RBM39: variants seen among roughly 807,000 people sequenced by gnomAD.
RBM39 encodes the protein RNA-binding protein 39.
A neutral mutation model predicts 79.6 loss-of-function variants in RBM39; 12 were observed. The observed-to-expected ratio is 0.15, with a 90% confidence interval of 0.10 to 0.24. The LOEUF (loss-of-function observed/expected upper bound fraction) is 0.24. Ranked by LOEUF, RBM39 falls within the 10% of genes least tolerant of loss-of-function variation. The probability of loss-of-function intolerance (pLI) is 1.00; values close to 1 mark genes in which losing one functional copy is unlikely to be tolerated. For missense variants in RBM39, 243 were observed against 653.4 expected (o/e 0.37, Z 6.85); for synonymous variants, 185 against 208.4 (o/e 0.89, Z 0.97).
intron 7 of RBM39, 92 bp from the exon 8 acceptor site, chr20:35,724,814 T>A (rs1298717741): frequency 2.2e-5 from 31 of 1,424,422 alleles, no homozygotes; most frequent in Non-Finnish European, 3.0e-5. Flanking sequence ...AAGGTATTTT[T>A]AAAAATTTAA....
At chr20:35,722,457 G>GTTTTTTTTTTTT (rs1423718184) in intron 8 of RBM39, among the ~76,000 whole-genome samples, 3 of 131,240 alleles carry the variant, frequency 2.3e-5, no homozygotes, top group Admixed American at 7.8e-5. Context: ...TTATTTAGAG[G>GTTTTTTTTTTTT]CTTTTTTTTT....
chr20:35,737,848 CAAA>C (rs35300439), intron 3 of RBM39, among the ~76,000 whole-genome samples: 3 of 40,440 alleles, frequency 7.4e-5, no homozygotes, highest in Non-Finnish European at 1.5e-4. Context: ...GACTCCGTGT[CAAA>C]AAAAAAAAAA....
intron 3 of RBM39, chr20:35,735,084 GGAAAATAA>G (rs2039767221): frequency 3.2e-6 from 5 of 1,546,768 alleles, no homozygotes; most frequent in Non-Finnish European, 4.3e-6. Flanking sequence ...AAAGTATTCT[GGAAAATAA>G]GAAAAAAAAT....
chr20:35,736,542 ATACT>A (rs2039929558), intron 3 of RBM39: 1 of 470,620 alleles, frequency 2.1e-6, no homozygotes, highest in Non-Finnish European at 4.4e-6. Context: ...AAAGACTGAC[ATACT>A]TACTATGAAG....
At chr20:35,723,024 A>G (rs2038183288) in intron 8 of RBM39, among the ~76,000 whole-genome samples, 2 of 152,154 alleles carry the variant, frequency 1.3e-5, no homozygotes, top group South Asian at 4.1e-4. Flanking sequence ...CTTAAGATGC[A>G]TTCTGATACC....
At chr20:35,713,988 C>T in intron 11 of RBM39, 197 bp downstream of exon 11, 1 of 570,874 alleles carries the variant, frequency 1.8e-6, no homozygotes, top group East Asian at 3.0e-5. Flanking sequence ...TATACTGTGG[C>T]ATTCAAAACA....
intron 8 of RBM39, among the ~76,000 whole-genome samples, 187 bp from the exon 9 acceptor site, chr20:35,722,064 A>G (rs994748667): frequency 1.1e-4 from 17 of 152,098 alleles, no homozygotes; most frequent in Non-Finnish European, 1.0e-4. Flanking sequence ...GAGGAGGTAG[A>G]TAACATTTTA....
At chr20:35,739,227 T>C in intron 2 of RBM39, 3 of 593,652 alleles carry the variant, frequency 5.1e-6, no homozygotes, top group Non-Finnish European at 9.0e-6. Context: ...GATACAAAAA[T>C]AAAAAAATTT....
At chr20:35,733,148 C>T (rs1257718505) in intron 3 of RBM39, among the ~76,000 whole-genome samples, 1 of 151,726 alleles carries the variant, frequency 6.6e-6, no homozygotes, top group Non-Finnish European at 1.5e-5. Flanking sequence ...ACCAAAAATA[C>T]AAAAATTAGC....
At chr20:35,722,383 G>C (rs1410409472) in intron 8 of RBM39, among the ~76,000 whole-genome samples, 1 of 148,530 alleles carries the variant, frequency 6.7e-6, no homozygotes, top group Non-Finnish European at 1.5e-5. Flanking sequence ...CTCCAGCCTG[G>C]GTGACAGAGT....
intron 3 of RBM39, among the ~76,000 whole-genome samples, chr20:35,737,178 T>C (rs1600645039): frequency 6.7e-6 from 1 of 150,228 alleles, no homozygotes; most frequent in Non-Finnish European, 1.5e-5. Flanking sequence ...GATCACGAGG[T>C]CAGGAGTTGA....
chr20:35,704,264 GA>G lies in RBM39; in HGVS notation c.*216del, dbSNP rs2035467798. On this transcript the variant is annotated 3_prime_UTR_variant, in exon 17 of 17. Coordinates refer to ENST00000253363, the MANE Select transcript of RBM39 (RefSeq NM_184234.3). ...TTCTACATGAACATTTTAAAAGGCA[GA>G]ACAAGAGAACAGTTTTGTATACAGT... 2.6e-6 allele frequency: 1 copy of G among 377,946 alleles called. No homozygotes were observed. Among genetic ancestry groups the G allele is most frequent in the Admixed American group, 4.3e-5 (1 of 23,312 alleles). The allele number at this position is 377,946 out of a possible 1,614,324, so 23.4% of individuals were successfully genotyped here. A position where few individuals can be genotyped will look rare whatever the true frequency, so the allele number is the denominator to read the frequency against.
At chr20:35,723,976 G>A (rs985373715) in intron 8 of RBM39, among the ~76,000 whole-genome samples, 43 of 152,290 alleles carry the variant, frequency 2.8e-4, no homozygotes, top group Admixed American at 1.4e-3. Flanking sequence ...AGCAGGTCAA[G>A]GCTACAGTGA....
At chr20:35,718,137 G>A (rs1646527186) in intron 9 of RBM39, among the ~76,000 whole-genome samples, 2 of 152,060 alleles carry the variant, frequency 1.3e-5, no homozygotes, top group Admixed American at 6.5e-5. Flanking sequence ...GGGATTACAG[G>A]CATGAGCCAC....
chr20:35,707,037 A>T, intron 14 of RBM39, 83 bp downstream of exon 14: 1 of 618,696 alleles, frequency 1.6e-6, no homozygotes, highest in Non-Finnish European at 2.4e-6. Flanking sequence ...TAAAAAAAAA[A>T]AAAAAAAAAA....
chr20:35,741,290 T>C lies in RBM39; in HGVS notation c.-13-403A>G, dbSNP rs866774835. Among the ~76,000 whole-genome samples, 61 of 151,954 alleles carry C rather than the reference T, an allele frequency of 4.0e-4. 1 individual carries two copies. The highest frequency in any genetic ancestry group is 4.6e-4 in the Admixed American group (7 of 15,226). On this transcript the variant is annotated intron_variant, in intron 1 of 16. Coordinates refer to ENST00000253363, the MANE Select transcript of RBM39 (RefSeq NM_184234.3). ...CTCAAGTGATCCGCCTGCCTCTGCC[T>C]CCCAAACTGCTGGGATTACAGGCGT...
chr20:35,708,975 G>C (rs944395639), intron 13 of RBM39: 3 of 370,664 alleles, frequency 8.1e-6, no homozygotes, highest in African/African-American at 2.1e-5. Context: ...ACAAAAACAA[G>C]GTTGAAAATT....
chr20:35,715,407 C>G (rs2036982874), intron 10 of RBM39, among the ~76,000 whole-genome samples: 1 of 152,106 alleles, frequency 6.6e-6, no homozygotes, highest in Non-Finnish European at 1.5e-5. Context: ...ATCTCCTGAC[C>G]TCAGGTGATC....
chr20:35,724,770 G>T (rs779766228), intron 7 of RBM39, 48 bp from the exon 8 acceptor site: 5 of 1,583,636 alleles, frequency 3.2e-6, no homozygotes, highest in Non-Finnish European at 4.3e-6. Context: ...TGTAACACAT[G>T]TAGAATTATT....
Sources: allele counts gnomAD v4.1 joint callset (sites outside exome capture counted in the v4.1 genomes callset), GRCh38; gene constraint gnomAD v4.1.1; transcripts MANE v1.5; gene names NCBI Gene and HGNC (gene_info 2026-07-23, HGNC 2026-07-21).